Variants in EXOC4 observed in about 807,000 individuals in gnomAD.
The protein encoded by EXOC4 is SEC8-like 1.
Under a neutral mutation model 107.2 loss-of-function variants are expected in EXOC4, and 71 were observed. That is an observed-to-expected ratio of 0.66 (90% CI 0.55 to 0.81). EXOC4 has a LOEUF of 0.81. Ranked by LOEUF, EXOC4 falls within the 30% of genes least tolerant of loss-of-function variation. EXOC4 has a pLI of 0.00. For synonymous variants in EXOC4, 456 were observed against 441.2 expected (o/e 1.03, Z -0.42); for missense variants, 1,108 against 1,189.6 (o/e 0.93, Z 1.01).
intron 10 of EXOC4, 169 bp downstream of exon 10, chr7:133,630,310 C>T (rs978001600): frequency 3.7e-6 from 2 of 536,230 alleles, no homozygotes; most frequent in Non-Finnish European, 6.6e-6. Flanking sequence ...TAATCTCAAT[C>T]CCACTGAGTA....
At chr7:133,726,528 TA>T (rs1222292875) in intron 10 of EXOC4, among the ~76,000 whole-genome samples, 1 of 152,240 alleles carries the variant, frequency 6.6e-6, no homozygotes, top group Non-Finnish European at 1.5e-5. Context: ...TGTATTTTAA[TA>T]TATGACTGAG....
chr7:133,669,583 C>A (rs1483205747), intron 10 of EXOC4, among the ~76,000 whole-genome samples: 1 of 6,670 alleles, frequency 1.5e-4, no homozygotes, highest in Non-Finnish European at 5.6e-4. Flanking sequence ...GAACTATGTT[C>A]GCTAAATGCC....
chr7:133,681,812 T>C (rs879618201), intron 10 of EXOC4, among the ~76,000 whole-genome samples: 2 of 152,158 alleles, frequency 1.3e-5, no homozygotes, highest in Non-Finnish European at 2.9e-5. Context: ...CCTTCATCGG[T>C]TGTACGTTTT....
At chr7:133,673,127 G>C (rs1265022735) in intron 10 of EXOC4, among the ~76,000 whole-genome samples, 1 of 152,154 alleles carries the variant, frequency 6.6e-6, no homozygotes, top group Non-Finnish European at 1.5e-5. Flanking sequence ...GATAGCCTCA[G>C]TATTTCTTAT....
chr7:133,787,366 TGTGTGTGTGTGTGTGTGTGTGTGA>T (rs1349678951), intron 10 of EXOC4, among the ~76,000 whole-genome samples: 1,101 of 73,972 alleles, frequency 0.015, 17 homozygotes, highest in African/African-American at 0.038. Flanking sequence ...TGTGTGTGTG[TGTGTGTGTGTGTGTGTGTGTGTGA>T]GATGAGGTCT....
chr7:133,533,443 T>C (rs1800217594), intron 9 of EXOC4, among the ~76,000 whole-genome samples: 1 of 152,136 alleles, frequency 6.6e-6, no homozygotes, highest in South Asian at 2.1e-4. Context: ...CAGGTTAATA[T>C]TTTGAGTAAA....
chr7:133,492,275 G>A (rs1799386585), intron 9 of EXOC4, among the ~76,000 whole-genome samples: 1 of 152,156 alleles, frequency 6.6e-6, no homozygotes. Context: ...GTTGGACATG[G>A]TGACTCATTC....
chr7:133,888,834 C>T (rs892830127), intron 11 of EXOC4, among the ~76,000 whole-genome samples: 13 of 152,160 alleles, frequency 8.5e-5, no homozygotes, highest in Non-Finnish European at 1.9e-4. Flanking sequence ...TTTCATCTTT[C>T]TAAGCTTGTT....
chr7:133,369,987 A>G (rs1412378728), intron 6 of EXOC4, among the ~76,000 whole-genome samples: 4 of 152,006 alleles, frequency 2.6e-5, no homozygotes, highest in African/African-American at 9.7e-5. Flanking sequence ...TACTTTTAGT[A>G]GAGATGGGGT....
At chr7:133,912,934 G>A (rs1313690874) in intron 12 of EXOC4, among the ~76,000 whole-genome samples, 1 of 152,072 alleles carries the variant, frequency 6.6e-6, no homozygotes, top group Non-Finnish European at 1.5e-5. Flanking sequence ...TTTTAAAATA[G>A]CTTGCCCAAG....
At chr7:133,995,995 C>G (rs955872461) in intron 14 of EXOC4, among the ~76,000 whole-genome samples, 1 of 152,176 alleles carries the variant, frequency 6.6e-6, no homozygotes, top group Admixed American at 6.5e-5. Flanking sequence ...CCAAAGGACT[C>G]TTTGAAAAAG....
intron 10 of EXOC4, among the ~76,000 whole-genome samples, chr7:133,708,773 A>G (rs1794821797): frequency 6.6e-6 from 1 of 152,244 alleles, no homozygotes; most frequent in African/African-American, 2.4e-5. Context: ...ATCAAGTTAC[A>G]TGCATTAAAT....
chr7:133,303,570 G>T (rs1794689378), intron 3 of EXOC4, among the ~76,000 whole-genome samples: 1 of 152,202 alleles, frequency 6.6e-6, no homozygotes, highest in Non-Finnish European at 1.5e-5. Context: ...CAGTGGCCTT[G>T]TCCAGCTTCC....
the EXOC4 span, among the ~76,000 whole-genome samples, chr7:134,094,813 A>G: frequency 0.022 from 3,378 of 152,162 alleles, 114 homozygotes; most frequent in African/African-American, 0.071. Context: ...CCAACAAACT[A>G]GGCATCAAAG....
chr7:133,466,259 T>C (rs909884506), intron 7 of EXOC4, among the ~76,000 whole-genome samples: 1 of 151,588 alleles, frequency 6.6e-6, no homozygotes, highest in South Asian at 2.1e-4. Flanking sequence ...TGGAACCAAA[T>C]AGAGGTCTTT....
rs145930148 is a variant in EXOC4, at chr7:133,812,363, A to C, written c.1515-4962A>C. Among the ~76,000 whole-genome samples the C allele has an allele frequency of 1.2e-4, 18 of 152,312 alleles. 1 individual carries two copies. The highest frequency in any genetic ancestry group is 3.4e-4 in the African/African-American group (14 of 41,564). On this transcript the variant is annotated intron_variant, in intron 10 of 17. Transcript: ENST00000253861. ...AGTGTTATTGTAGCCATTTTACAGA[A>C]GACACAAGTAAAGCCAAGAGAGGCT...
chr7:134,063,581 C>T (rs752493172), intron 17 of EXOC4, among the ~76,000 whole-genome samples: 9 of 152,088 alleles, frequency 5.9e-5, no homozygotes, highest in Non-Finnish European at 1.0e-4. Flanking sequence ...GCACAGTGCT[C>T]GGGAATGAAC....
At position 133,531,103 on chromosome 7, in the gene EXOC4, A is replaced by C. The variant is rs73150803; in HGVS notation, c.1417+50965A>C. On this transcript the variant is annotated intron_variant, in intron 9 of 17. Transcript: ENST00000253861. ...GATATGTATTTTCTGTAAGGAATCC[A>C]AACTGTAGGAAAAGGATAAAATAAA... Among the ~76,000 whole-genome samples, 486 of 152,184 alleles carry C rather than the reference A, an allele frequency of 3.2e-3. 4 individuals are homozygous for C. Among genetic ancestry groups the C allele is most frequent in the Non-Finnish European group, 5.0e-3 (342 of 68,012 alleles).
At chr7:133,982,057 A>G (rs1793994532) in intron 14 of EXOC4, among the ~76,000 whole-genome samples, 1 of 152,104 alleles carries the variant, frequency 6.6e-6, no homozygotes, top group Admixed American at 6.5e-5. Flanking sequence ...AAATGATGAG[A>G]CCTCATGGAC....
Sources: gnomAD v4.1 joint callset for allele counts (sites outside exome capture counted in the v4.1 genomes callset) on GRCh38, gnomAD v4.1.1 for gene constraint, MANE v1.5 for transcripts, NCBI Gene and HGNC (gene_info 2026-07-23, HGNC 2026-07-21) for gene names.